Variants in ULK4 observed in about 807,000 individuals in gnomAD.
ULK4 encodes inactive serine/threonine-protein kinase ULK4.
In ULK4, 133 loss-of-function variants were observed where a neutral mutation model predicts 160.6. The ratio of observed to expected loss-of-function variants is 0.83; its 90% CI spans 0.72 to 0.96. The LOEUF (loss-of-function observed/expected upper bound fraction) is 0.96. ULK4 is among the 40% of genes least tolerant of loss of function. The pLI, the probability that ULK4 is intolerant of heterozygous loss-of-function variation, is 0.00. For synonymous variants in ULK4, 534 were observed against 539.8 expected (o/e 0.99, Z 0.15); for missense variants, 1,580 against 1,499.5 (o/e 1.05, Z -0.89).
At chr3:41,520,482 T>C (rs2085896835) in intron 32 of ULK4, among the ~76,000 whole-genome samples, 1 of 152,236 alleles carries the variant, frequency 6.6e-6, no homozygotes, top group East Asian at 1.9e-4. Flanking sequence ...ATGAGTTGTT[T>C]CCATCTTTGG....
intron 32 of ULK4, 77 bp from the exon 33 acceptor site, chr3:41,463,330 A>AGAATGCCTCTCT: frequency 1.4e-6 from 2 of 1,421,740 alleles, no homozygotes; most frequent in Non-Finnish European, 1.9e-6. Flanking sequence ...AAAGAGAGGC[A>AGAATGCCTCTCT]TTCTGGCTCT....
chr3:41,444,626 T>C (rs552272430), intron 34 of ULK4, among the ~76,000 whole-genome samples: 1 of 152,268 alleles, frequency 6.6e-6, no homozygotes, highest in South Asian at 2.1e-4. Context: ...TTGATGCACA[T>C]AAAAACTTAA....
chr3:41,886,673 T>A lies in ULK4; in HGVS notation c.1578-2721A>T, dbSNP rs564305244. 1.1e-4 allele frequency among the ~76,000 whole-genome samples: 16 copies of A among 152,044 alleles called. No homozygotes were observed. In the South Asian group the frequency reaches 2.7e-3, roughly 26 times the overall value. Reference sequence around the variant, plus strand: ...TCACTGCACCCTCCGCCTCCTGGGTTCAAGCCATTCTCCTGCCTCAGCCTC... The same window carrying A: ...TCACTGCACCCTCCGCCTCCTGGGTACAAGCCATTCTCCTGCCTCAGCCTC... On this transcript the variant is annotated intron_variant, in intron 16 of 36. Transcript: ENST00000301831.
intron 31 of ULK4, 134 bp from the exon 32 acceptor site, chr3:41,566,264 A>T: frequency 1.4e-6 from 1 of 706,648 alleles, no homozygotes; most frequent in Non-Finnish European, 2.3e-6. Flanking sequence ...CACTTTAATG[A>T]AGCACATCCT....
chr3:41,805,488 C>A (rs2040612854), intron 19 of ULK4, among the ~76,000 whole-genome samples: 1 of 152,092 alleles, frequency 6.6e-6, no homozygotes, highest in South Asian at 2.1e-4. Flanking sequence ...CTTCTCCTGC[C>A]TGATTGCCCT....
intron 35 of ULK4, among the ~76,000 whole-genome samples, chr3:41,297,793 A>G (rs1176062523): frequency 6.6e-6 from 1 of 152,242 alleles, no homozygotes; most frequent in Non-Finnish European, 1.5e-5. Context: ...CTGTGTCTCC[A>G]TAAGAGGCTG....
At chr3:41,823,547 A>T (rs2125634833) in intron 18 of ULK4, among the ~76,000 whole-genome samples, 2 of 152,354 alleles carry the variant, frequency 1.3e-5, no homozygotes, top group East Asian at 3.9e-4. Context: ...CCCTCTGCAG[A>T]ATCACACTCT....
chr3:41,589,715 G>A (rs2031134585), intron 31 of ULK4, among the ~76,000 whole-genome samples: 1 of 152,004 alleles, frequency 6.6e-6, no homozygotes, highest in Non-Finnish European at 1.5e-5. Context: ...TAACTTTATT[G>A]CCTACCAGAA....
chr3:41,796,695 G>A (rs1251340858), intron 20 of ULK4, among the ~76,000 whole-genome samples: 1 of 152,120 alleles, frequency 6.6e-6, no homozygotes, highest in Non-Finnish European at 1.5e-5. Flanking sequence ...TACATTGACA[G>A]ACATTTTTAA....
chr3:41,600,225 G>T (rs1021287258), intron 31 of ULK4, among the ~76,000 whole-genome samples: 4 of 152,104 alleles, frequency 2.6e-5, no homozygotes, highest in Non-Finnish European at 4.4e-5. Flanking sequence ...CCTCATGCAG[G>T]TACTTACTGA....
intron 19 of ULK4, among the ~76,000 whole-genome samples, chr3:41,806,591 G>C (rs1283411599): frequency 2.6e-5 from 4 of 151,768 alleles, no homozygotes; most frequent in African/African-American, 9.7e-5. Context: ...TGTCAATTTT[G>C]GATCTTTCCT....
At chr3:41,386,103 CT>C (rs1487372988) in intron 35 of ULK4, among the ~76,000 whole-genome samples, 1 of 152,288 alleles carries the variant, frequency 6.6e-6, no homozygotes, top group East Asian at 1.9e-4. Context: ...TGTATTATAT[CT>C]TCAGCACTTC....
At chr3:41,358,959 G>C (rs2081079112) in intron 35 of ULK4, among the ~76,000 whole-genome samples, 1 of 152,168 alleles carries the variant, frequency 6.6e-6, no homozygotes, top group Non-Finnish European at 1.5e-5. Flanking sequence ...TGGTAAAAAT[G>C]ATCAGATTCT....
At position 41,404,226 on chromosome 3, in the gene ULK4, A is replaced by ATTTTTTTTTTTTTTT. The variant is rs60508995; in HGVS notation, c.3493-5977_3493-5963dup. ...GTCTATTTATCTTTTTAGCTCTATC[A>ATTTTTTTTTTTTTTT]TTTTTTTTTTTTTTTTTGCTTCATG... On this transcript the variant is annotated intron_variant, in intron 34 of 36. Transcript: ENST00000301831. 2.3e-5 allele frequency among the ~76,000 whole-genome samples: 3 copies of ATTTTTTTTTTTTTTT among 131,864 alleles called. 1 individual carries two copies. The highest frequency in any genetic ancestry group is 5.5e-5 in the African/African-American group (2 of 36,258). The allele number at this position is 131,864 out of a possible 152,430, so 86.5% of individuals were successfully genotyped here.
At position 41,819,462 on chromosome 3, in the gene ULK4, C is replaced by G. The variant is rs969183936; in HGVS notation, c.1809G>C (p.Leu603Phe). 1.2e-6 allele frequency: 2 copies of G among 1,613,282 alleles called. No homozygotes were observed. Among genetic ancestry groups the G allele is most frequent in the Non-Finnish European group, 1.7e-6 (2 of 1,179,850 alleles). The change falls in exon 19 of 37, where the codon TTG becomes TTC. Residue 603 changes from leucine to phenylalanine, a missense_variant. Physicochemically the swap from Leu to Phe is conservative, Grantham distance 22. Coordinates refer to ENST00000301831, the MANE Select transcript of ULK4 (RefSeq NM_017886.4). ...ACCTCATTAGCACTGTGTATGCAGC[C>G]AAGGGAACAGCCCAGCACTCTCTAG... ...KNPRECWAVP[L>F]AAYTVLMRCL...
intron 32 of ULK4, among the ~76,000 whole-genome samples, chr3:41,505,411 AATTC>A (rs1307635467): frequency 6.6e-6 from 1 of 152,156 alleles, no homozygotes; most frequent in Admixed American, 6.5e-5. Context: ...CAGTGGTCGC[AATTC>A]ATTCATTCTA....
Position 41,945,953 on chromosome 3 carries a change from T to C in ULK4, c.139-7756A>G, listed in dbSNP as rs1386814885. Reference sequence around the variant, plus strand: ...AATATGTATTCAGACTCTTCATTCATAGAAAGTCAAAACTAGCAAAATTAA... The same window carrying C: ...AATATGTATTCAGACTCTTCATTCACAGAAAGTCAAAACTAGCAAAATTAA... On this transcript the variant is annotated intron_variant, in intron 2 of 36. Transcript: ENST00000301831. Among the ~76,000 whole-genome samples, 6 of 152,092 alleles carry C rather than the reference T, an allele frequency of 3.9e-5. No homozygotes were observed. The East Asian group carries it at 5.8e-4, about 15-fold the overall frequency.
intron 32 of ULK4, among the ~76,000 whole-genome samples, chr3:41,494,634 C>T (rs1216774182): frequency 6.6e-6 from 1 of 152,136 alleles, no homozygotes; most frequent in African/African-American, 2.4e-5. Flanking sequence ...AAGAGGAAGT[C>T]AAATTGTCCC....
chr3:41,398,175 G>A lies in ULK4; in HGVS notation c.3582C>T (p.Ser1194=), dbSNP rs2082103808. The part of the protein sequence containing the change: ...VQLYGGENPD[S]LSPENVEIFA... The stretch of plus-strand genomic sequence containing the variant: ...AAATTTCCACATTTTCAGGAGAGAG[G>A]CTGTCCGGGTTTTCCCCTCCATACA... Residue 1194 remains serine, a synonymous_variant, in exon 35 of 37, where the codon AGC becomes AGT. Transcript: ENST00000301831. 6.2e-7 allele frequency: 1 copy of A among 1,613,502 alleles called. No individual in the cohort carries two copies. Among genetic ancestry groups the A allele is most frequent in the Non-Finnish European group, 8.5e-7 (1 of 1,179,676 alleles).
Sources: allele counts gnomAD v4.1 joint callset (sites outside exome capture counted in the v4.1 genomes callset), GRCh38; gene constraint gnomAD v4.1.1; transcripts MANE v1.5; gene names NCBI Gene and HGNC (gene_info 2026-07-23, HGNC 2026-07-21).